Variants in ZFC3H1 observed in about 807,000 individuals in gnomAD.
ZFC3H1 encodes the protein zinc finger C3H1 domain-containing protein.
Under a neutral mutation model 243.7 loss-of-function variants are expected in ZFC3H1, and 71 were observed. The observed-to-expected ratio is 0.29, with a 90% confidence interval of 0.24 to 0.36. ZFC3H1 has a LOEUF of 0.36. Ranked by LOEUF, ZFC3H1 falls within the 10% of genes least tolerant of loss-of-function variation. The probability of loss-of-function intolerance (pLI) is 1.00; values close to 1 mark genes in which losing one functional copy is unlikely to be tolerated. For missense variants in ZFC3H1, 1,966 were observed against 2,317.1 expected (o/e 0.85, Z 3.11); for synonymous variants, 838 against 813.0 (o/e 1.03, Z -0.52).
At chr12:71,621,808 C>G (rs1026630250) in intron 24 of ZFC3H1, among the ~76,000 whole-genome samples, 3 of 151,724 alleles carry the variant, frequency 2.0e-5, no homozygotes, top group African/African-American at 7.3e-5. Flanking sequence ...ATCTTCAACC[C>G]CCCCGCCTCA....
At chr12:71,623,701 AT>A in intron 23 of ZFC3H1, 104 bp from the exon 24 acceptor site, 1 of 815,024 alleles carries the variant, frequency 1.2e-6, no homozygotes, top group Non-Finnish European at 1.9e-6. Flanking sequence ...AAAAGGTCAC[AT>A]TTATTTGTAC....
At chr12:71,660,723 T>C (rs1289671568) in intron 1 of ZFC3H1, among the ~76,000 whole-genome samples, 1 of 152,146 alleles carries the variant, frequency 6.6e-6, no homozygotes, top group Non-Finnish European at 1.5e-5. Flanking sequence ...AGTACTTTTT[T>C]ATATACATAC....
Position 71,613,444 on chromosome 12 carries a change from G to GTTATT in ZFC3H1, c.5527-10_5527-9insAATAA. On this transcript the variant is annotated splice_polypyrimidine_tract_variant and intron_variant, in intron 30 of 34. Transcript: ENST00000378743. ...AAATAAAAGAAAATAACCTGTAAAGGTTGAGGGGGGCGAAAAATGAATGCA... is the reference window on the plus strand; with the variant it reads ...AAATAAAAGAAAATAACCTGTAAAGGTTATTTTGAGGGGGGCGAAAAATGAATGCA... 6.4e-7 allele frequency: 1 copy of GTTATT among 1,574,614 alleles called. No homozygotes were observed. The highest frequency in any genetic ancestry group is 8.6e-7 in the Non-Finnish European group (1 of 1,158,386).
intron 13 of ZFC3H1, 112 bp from the exon 14 acceptor site, chr12:71,633,129 A>C: frequency 7.2e-7 from 1 of 1,398,200 alleles, no homozygotes. Flanking sequence ...AAAATATTCC[A>C]ATATTATTTC....
rs769262969 is a variant in ZFC3H1, at chr12:71,634,839, AAC to A, written c.2239-16_2239-15del. The stretch of plus-strand genomic sequence containing the variant: ...TTTTGAAGCTTGCTAAAAAAAAAAA[AAC>A]ATTTGAAGTCAACTAGATCATCAGC... On this transcript the variant is annotated splice_polypyrimidine_tract_variant and intron_variant, in intron 10 of 34. Transcript: ENST00000378743. 3.0e-5 allele frequency: 47 copies of A among 1,575,070 alleles called. No individual in the cohort carries two copies. The highest frequency in any genetic ancestry group is 6.7e-5 in the East Asian group (3 of 44,492).
At chr12:71,659,940 T>G (rs2137567019) in intron 1 of ZFC3H1, among the ~76,000 whole-genome samples, 1 of 152,336 alleles carries the variant, frequency 6.6e-6, no homozygotes, top group African/African-American at 2.4e-5. Context: ...GGAGACATGC[T>G]AAGATGTACT....
At chr12:71,655,181 A>G (rs184147145) in intron 2 of ZFC3H1, among the ~76,000 whole-genome samples, 11 of 152,338 alleles carry the variant, frequency 7.2e-5, no homozygotes. Flanking sequence ...GAAGTCTCCA[A>G]GTATTTCAAA....
intron 3 of ZFC3H1, among the ~76,000 whole-genome samples, chr12:71,647,239 G>A (rs1379839090): frequency 6.6e-6 from 1 of 152,198 alleles, no homozygotes; most frequent in Non-Finnish European, 1.5e-5. Context: ...GTCAAACACA[G>A]TGCTTGAGGC....
chr12:71,640,698 CA>C (rs1380922493), intron 6 of ZFC3H1, among the ~76,000 whole-genome samples: 9 of 152,314 alleles, frequency 5.9e-5, no homozygotes, highest in South Asian at 2.1e-4. Context: ...TCCAGCTGGC[CA>C]GGGGCAGCTG....
At position 71,645,125 on chromosome 12, in the gene ZFC3H1, T is replaced by G. The variant is rs1442647676; in HGVS notation, c.1081-50A>C. The G allele has an allele frequency of 4.1e-6, 6 of 1,480,438 alleles. No homozygotes were observed. In the South Asian group the frequency reaches 8.0e-5, roughly 20 times the overall value. 91.7% of individuals were successfully genotyped at this position (1,480,438 alleles called of 1,614,324 possible). ...AAATTTTTTAATTCTATTATTTAGC[T>G]TACACATTTCATCAAGTCAAATCCT... On this transcript the variant is annotated intron_variant, in intron 3 of 34. Coordinates refer to ENST00000378743, the MANE Select transcript of ZFC3H1 (RefSeq NM_144982.5).
At chr12:71,621,153 G>GA (rs1203805601) in intron 24 of ZFC3H1, among the ~76,000 whole-genome samples, 1 of 151,840 alleles carries the variant, frequency 6.6e-6, no homozygotes, top group Non-Finnish European at 1.5e-5. Flanking sequence ...CATTTCCTCA[G>GA]AAAAAATATC....
chr12:71,634,662 C>T, intron 11 of ZFC3H1, 42 bp downstream of exon 11: 7 of 1,554,122 alleles, frequency 4.5e-6, no homozygotes, highest in Non-Finnish European at 6.1e-6. Flanking sequence ...GTTTTGAAAA[C>T]ATCACATACT....
chr12:71,617,655 C>T (rs1474468717), intron 27 of ZFC3H1, among the ~76,000 whole-genome samples: 3 of 152,134 alleles, frequency 2.0e-5, no homozygotes, highest in African/African-American at 7.2e-5. Context: ...TTGAATTAGC[C>T]CTTTGCCTGA....
intron 27 of ZFC3H1, among the ~76,000 whole-genome samples, chr12:71,618,675 TGCTAACCCCATAAAGAGA>T (rs1481974486): frequency 7.3e-6 from 1 of 136,334 alleles, no homozygotes; most frequent in East Asian, 2.0e-4. Context: ...GAAAAAAGTT[TGCTAACCCCATAAAGAGA>T]TGAGGAGGAC....
In ZFC3H1 at chr12:71,662,618, T is replaced by C. The variant is rs553465426; in HGVS notation, c.598+395A>G. On this transcript the variant is annotated intron_variant, in intron 1 of 34. Transcript: ENST00000378743. ...TTTTCAACGTCAAACTGCAATATGA[T>C]AAAGCAACAATATTACTTAAACTGT... Among the ~76,000 whole-genome samples the C allele has an allele frequency of 2.0e-5, 3 of 151,936 alleles. No homozygotes were observed. In the East Asian group the frequency reaches 5.8e-4, roughly 29 times the overall value.
At chr12:71,642,903 C>CA (rs1483784036) in intron 5 of ZFC3H1, among the ~76,000 whole-genome samples, 1 of 152,104 alleles carries the variant, frequency 6.6e-6, no homozygotes, top group Non-Finnish European at 1.5e-5. Context: ...TAGAGGAATA[C>CA]AAAAACAAGT....
intron 6 of ZFC3H1, 63 bp downstream of exon 6, chr12:71,642,373 C>T (rs1880621839): frequency 6.6e-7 from 1 of 1,524,614 alleles, no homozygotes; most frequent in Admixed American, 2.0e-5. Context: ...TTTTGAGTAC[C>T]ATAATGACTA....
intron 6 of ZFC3H1, among the ~76,000 whole-genome samples, chr12:71,639,773 G>A (rs1193782325): frequency 6.6e-6 from 1 of 152,170 alleles, no homozygotes; most frequent in South Asian, 2.1e-4. Context: ...CTAGTGGTAG[G>A]AAAGATGAAG....
In ZFC3H1 at chr12:71,633,432, G is replaced by T. The variant is rs760072211; in HGVS notation, c.2517C>A (p.Leu839=). ...TTAAAACAGATTCATCTTTCATCAAGAGAATCCTAAATGAGAAATAACAAA... is the reference window on the plus strand; with the variant it reads ...TTAAAACAGATTCATCTTTCATCAATAGAATCCTAAATGAGAAATAACAAA... ...AESKLKKHRI[L]LMKDESVLKN... The change falls in exon 13 of 35, where the codon CTC becomes CTA. Residue 839 remains leucine (L), a synonymous_variant. Coordinates refer to ENST00000378743, the MANE Select transcript of ZFC3H1 (RefSeq NM_144982.5). The T allele has an allele frequency of 1.3e-5, 21 of 1,559,244 alleles. No homozygotes were observed. The highest frequency in any genetic ancestry group is 1.8e-5 in the Non-Finnish European group (21 of 1,155,514).
Sources: gnomAD v4.1 joint callset for allele counts (sites outside exome capture counted in the v4.1 genomes callset) on GRCh38, gnomAD v4.1.1 for gene constraint, MANE v1.5 for transcripts, NCBI Gene and HGNC (gene_info 2026-07-23, HGNC 2026-07-21) for gene names.